HMGXB4: variants seen among roughly 807,000 people sequenced by gnomAD.
The protein encoded by HMGXB4 is HMG domain-containing protein 4.
HMGXB4 carries 27 observed loss-of-function variants against 63.9 expected under a neutral mutation model. The ratio of observed to expected loss-of-function variants is 0.42; its 90% CI spans 0.31 to 0.58. The LOEUF is 0.58. Ranked by LOEUF, HMGXB4 falls within the 20% of genes least tolerant of loss-of-function variation. The pLI, the probability that HMGXB4 is intolerant of heterozygous loss-of-function variation, is 0.13. For synonymous variants in HMGXB4, 264 were observed against 265.3 expected, an observed-to-expected ratio of 0.99 and a Z score of 0.05; for missense variants, 624 against 700.7, an observed-to-expected ratio of 0.89 and a Z score of 1.24.
rs1925192890 is a variant in HMGXB4, at chr22:35,295,207, T to C, written c.*1556T>C. ...GACAGTGTAGCCCATCTGCATCCTA[T>C]TTAATTTCTTCCCTTCTCCCCACCA... On this transcript the variant is annotated 3_prime_UTR_variant, in exon 11 of 11. Transcript: ENST00000216106. 6.6e-6 allele frequency: 1 copy of C among 152,268 alleles called. No individual in the cohort carries two copies. Among genetic ancestry groups the C allele is most frequent in the African/African-American group, 2.4e-5 (1 of 41,456 alleles). The allele number at this position is 152,268 out of a possible 1,614,324, so 9.4% of individuals were successfully genotyped here.
Position 35,263,335 on chromosome 22 carries a change from A to G in HMGXB4, c.180+109A>G, listed in dbSNP as rs541058113. On this transcript the variant is annotated intron_variant, in intron 3 of 10. Coordinates refer to ENST00000216106, the MANE Select transcript of HMGXB4 (RefSeq NM_001003681.3). The stretch of plus-strand genomic sequence containing the variant: ...TTTTTCTCTCATGGCCCAGGCTTGA[A>G]TGCAATGGCACAATCTCTGCTCACT... 5.3e-4 allele frequency: 446 copies of G among 834,684 alleles called. 3 individuals are homozygous for G. In the African/African-American group the frequency reaches 7.3e-3, roughly 14 times the overall value. 51.7% of individuals were successfully genotyped at this position (834,684 alleles called of 1,614,324 possible).
chr22:35,244,298 T>C, the HMGXB4 span, among the ~76,000 whole-genome samples: 1 of 1,484 alleles, frequency 6.7e-4, no homozygotes, highest in Non-Finnish European at 3.4e-3. Flanking sequence ...TTCTTTTTTC[T>C]TTTTTTTTTT....
At chr22:35,274,980 G>C (rs1011551301) in intron 5 of HMGXB4, among the ~76,000 whole-genome samples, 11 of 152,078 alleles carry the variant, frequency 7.2e-5, no homozygotes, top group African/African-American at 2.7e-4. Context: ...CTGGATGTCA[G>C]TTTCTTCATT....
chr22:35,284,107 A>G (rs1924428587), intron 6 of HMGXB4, 64 bp downstream of exon 6: 2 of 1,061,812 alleles, frequency 1.9e-6, no homozygotes. Context: ...AGTGCGATTA[A>G]TTTCTTCTTC....
chr22:35,271,585 A>G (rs906146941), intron 5 of HMGXB4, among the ~76,000 whole-genome samples: 3 of 152,200 alleles, frequency 2.0e-5, no homozygotes, highest in Non-Finnish European at 2.9e-5. Context: ...GAACAACTCC[A>G]TCTCTAAGTT....
chr22:35,291,843 G>C (rs1308948752), intron 9 of HMGXB4, among the ~76,000 whole-genome samples: 1 of 152,136 alleles, frequency 6.6e-6, no homozygotes, highest in Non-Finnish European at 1.5e-5. Context: ...CTTGAATTTG[G>C]AATGTGACCT....
chr22:35,271,853 C>G (rs568123762), intron 5 of HMGXB4, among the ~76,000 whole-genome samples: 1 of 152,334 alleles, frequency 6.6e-6, no homozygotes, highest in South Asian at 2.1e-4. Context: ...CATATCTTTT[C>G]AAAGCCAAGT....
At chr22:35,289,671 C>T (rs1354858635) in intron 9 of HMGXB4, among the ~76,000 whole-genome samples, 1 of 152,202 alleles carries the variant, frequency 6.6e-6, no homozygotes, top group Non-Finnish European at 1.5e-5. Flanking sequence ...CTCTCCATTA[C>T]TCTGCACTTA....
the HMGXB4 span, among the ~76,000 whole-genome samples, chr22:35,245,064 G>A: frequency 1.9e-3 from 293 of 152,240 alleles, 2 homozygotes; most frequent in African/African-American, 6.9e-3. Flanking sequence ...AGTAGAGACG[G>A]GGTTTCACCA....
intron 5 of HMGXB4, among the ~76,000 whole-genome samples, chr22:35,270,634 T>C (rs1037707104): frequency 3.3e-5 from 5 of 152,262 alleles, no homozygotes; most frequent in Middle Eastern, 3.4e-3. Context: ...CTAAGAAATA[T>C]CTCTTCAGCT....
At chr22:35,255,096 AGACTCCACACCTTTACTCATAGTGATT>A (rs1394236064), upstream of HMGXB4, among the ~76,000 whole-genome samples, 1 of 152,266 alleles carries the variant, frequency 6.6e-6, no homozygotes, top group Non-Finnish European at 1.5e-5. Flanking sequence ...CAGCAGCAGC[AGACTCCACACCTTTACTCATAGTGATT>A]GCTTTTTGTC....
intron 2 of HMGXB4, chr22:35,262,711 G>C: frequency 1.9e-6 from 1 of 523,210 alleles, no homozygotes; most frequent in Non-Finnish European, 3.4e-6. Context: ...GGAGTCTGGG[G>C]ATAGGAATCA....
chr22:35,288,120 CCA>C, intron 8 of HMGXB4, 116 bp from the exon 9 acceptor site: 1 of 769,054 alleles, frequency 1.3e-6, no homozygotes, highest in South Asian at 3.7e-5. Context: ...AGCCCACAGG[CCA>C]CAGTTTTGCT....
In HMGXB4 at chr22:35,265,603, G is replaced by A; in HGVS notation, c.1215G>A (p.Lys405=). The change falls in exon 5 of 11, where the codon AAG becomes AAA. Residue 405 remains lysine, a splice_region_variant and synonymous_variant. Transcript: ENST00000216106. ...EKDKERERGE[K]PKKKNMSAYQ... ...ACAAAGAGAGAGAGAGAGGAGAAAAGGTAAAGCATCTTTTAAGTGTGGTGG... is the reference window on the plus strand; with the variant it reads ...ACAAAGAGAGAGAGAGAGGAGAAAAAGTAAAGCATCTTTTAAGTGTGGTGG... 6.4e-7 allele frequency: 1 copy of A among 1,562,036 alleles called. No individual in the cohort carries two copies. Among genetic ancestry groups the A allele is most frequent in the Non-Finnish European group, 8.6e-7 (1 of 1,156,580 alleles).
Position 35,288,257 on chromosome 22 carries a change from G to C in HMGXB4, c.1488G>C (p.Leu496=). 1 of 1,584,426 alleles carries C rather than the reference G, an allele frequency of 6.3e-7. No individual in the cohort carries two copies. Residue 496 remains leucine, a synonymous_variant, in exon 9 of 11, where the codon CTG becomes CTC. Transcript: ENST00000216106. ...TCTCAGCCTCTTCTGTAGGAGTACT[G>C]TCACCCCAGAAGAAGTCCCCACCCA... ...MKVKASSVGV[L]SPQKKSPPTT... is the part of the protein sequence containing the mutation.
chr22:35,262,644 T>C (rs1334724833), intron 2 of HMGXB4: 5 of 580,690 alleles, frequency 8.6e-6, no homozygotes, highest in Non-Finnish European at 1.5e-5. Flanking sequence ...ATGAGTCTCT[T>C]AGTTTATTGG....
At chr22:35,261,340 G>A (rs558018180) in intron 1 of HMGXB4, among the ~76,000 whole-genome samples, 1 of 151,808 alleles carries the variant, frequency 6.6e-6, no homozygotes, top group Non-Finnish European at 1.5e-5. Flanking sequence ...GGAGGCTGAG[G>A]CAGGAGAATC....
At chr22:35,281,362 A>G (rs1890567134) in intron 5 of HMGXB4, among the ~76,000 whole-genome samples, 1 of 152,210 alleles carries the variant, frequency 6.6e-6, no homozygotes, top group Non-Finnish European at 1.5e-5. Flanking sequence ...TACTTGCTCT[A>G]CCACCACCCA....
intron 5 of HMGXB4, among the ~76,000 whole-genome samples, chr22:35,270,756 C>CA (rs1233490170): frequency 6.6e-6 from 1 of 152,192 alleles, no homozygotes; most frequent in East Asian, 1.9e-4. Context: ...TAATTTATAG[C>CA]AAAAACCTTA....
Sources: gnomAD v4.1 joint callset for allele counts (sites outside exome capture counted in the v4.1 genomes callset) on GRCh38, gnomAD v4.1.1 for gene constraint, MANE v1.5 for transcripts, NCBI Gene and HGNC (gene_info 2026-07-23, HGNC 2026-07-21) for gene names.